Variants in BMAL2 observed in about 807,000 individuals in gnomAD.
BMAL2 encodes the protein basic helix-loop-helix ARNT-like protein 2.
chr12:27,395,888 G>A, the BMAL2 span, among the ~76,000 whole-genome samples: 1 of 152,186 alleles, frequency 6.6e-6, no homozygotes, highest in Admixed American at 6.5e-5. Flanking sequence ...AGAGTAGAAA[G>A]GGCCTGGGCT....
the BMAL2 span, among the ~76,000 whole-genome samples, chr12:27,404,992 C>T: frequency 1.3e-4 from 20 of 152,284 alleles, no homozygotes; most frequent in African/African-American, 4.3e-4. Flanking sequence ...CACGGAGCCT[C>T]GCTCATTGCT....
At chr12:27,406,496 G>A in the BMAL2 span, among the ~76,000 whole-genome samples, 2 of 152,244 alleles carry the variant, frequency 1.3e-5, no homozygotes, top group African/African-American at 4.8e-5. Flanking sequence ...CCAAACTTAA[G>A]CTTCATAAGT....
chr12:27,374,641 A>G, the BMAL2 span, among the ~76,000 whole-genome samples: 1 of 152,198 alleles, frequency 6.6e-6, no homozygotes. Context: ...ACTTAATCTG[A>G]CCCTCTCTTT....
the BMAL2 span, chr12:27,385,709 G>A: frequency 5.2e-6 from 3 of 574,104 alleles, no homozygotes; most frequent in Non-Finnish European, 9.2e-6. Flanking sequence ...TTAAAATAGA[G>A]AAGTAGCCAT....
At chr12:27,403,403 A>C in the BMAL2 span, 4 of 1,331,042 alleles carry the variant, frequency 3.0e-6, no homozygotes, top group East Asian at 9.3e-5. Flanking sequence ...TAAAGTCCTC[A>C]ACTGAATTTC....
At chr12:27,385,039 C>A in the BMAL2 span, among the ~76,000 whole-genome samples, 10 of 152,214 alleles carry the variant, frequency 6.6e-5, no homozygotes, top group Non-Finnish European at 1.3e-4. Context: ...ATTAGCTGGG[C>A]GTAGTGGCTC....
At chr12:27,391,307 C>T in the BMAL2 span, among the ~76,000 whole-genome samples, 344 of 152,262 alleles carry the variant, frequency 2.3e-3, 2 homozygotes, top group Non-Finnish European at 3.7e-3. Context: ...GTTTTCTGTT[C>T]TTGCATCAAT....
chr12:27,351,721 T>G, the BMAL2 span, among the ~76,000 whole-genome samples: 1 of 152,196 alleles, frequency 6.6e-6, no homozygotes, highest in Admixed American at 6.5e-5. Context: ...ATCAAGACTC[T>G]TGCCCTCAGT....
chr12:27,406,115 G>T, the BMAL2 span, among the ~76,000 whole-genome samples: 2 of 152,234 alleles, frequency 1.3e-5, no homozygotes, highest in Non-Finnish European at 2.9e-5. Flanking sequence ...ATCTACGTCT[G>T]ATTGGTGTAC....
the BMAL2 span, among the ~76,000 whole-genome samples, chr12:27,409,576 C>T: frequency 6.6e-6 from 1 of 152,154 alleles, no homozygotes; most frequent in South Asian, 2.1e-4. Context: ...CTTCCTTACA[C>T]CTTATACAAA....
chr12:27,376,115 C>T, the BMAL2 span, among the ~76,000 whole-genome samples: 1 of 152,172 alleles, frequency 6.6e-6, no homozygotes. Flanking sequence ...GTTAACATAA[C>T]TTTTGTTATC....
the BMAL2 span, among the ~76,000 whole-genome samples, chr12:27,382,427 C>T: frequency 5.0e-4 from 76 of 152,106 alleles, no homozygotes; most frequent in Non-Finnish European, 1.0e-3. Context: ...AGGAAGAGAT[C>T]GTCAGAGTCT....
At chr12:27,342,021 C>G in the BMAL2 span, among the ~76,000 whole-genome samples, 3 of 151,846 alleles carry the variant, frequency 2.0e-5, no homozygotes, top group African/African-American at 7.3e-5. Context: ...ACTGCAACCT[C>G]CACCTCCTGG....
At chr12:27,393,819 A>G in the BMAL2 span, among the ~76,000 whole-genome samples, 3 of 152,212 alleles carry the variant, frequency 2.0e-5, no homozygotes, top group Admixed American at 6.5e-5. Context: ...AGATGGCCCT[A>G]ATATGCTAGA....
the BMAL2 span, among the ~76,000 whole-genome samples, chr12:27,376,653 A>G: frequency 6.6e-6 from 1 of 152,202 alleles, no homozygotes; most frequent in African/African-American, 2.4e-5. Context: ...CTAAAGAAAA[A>G]TTGATCAATG....
the BMAL2 span, chr12:27,370,221 G>A: frequency 1.2e-6 from 2 of 1,612,336 alleles, no homozygotes; most frequent in African/African-American, 2.7e-5. Context: ...TCAGCCTCCA[G>A]TGGCAGCAGG....
chr12:27,379,660 G>A, the BMAL2 span, among the ~76,000 whole-genome samples: 3 of 152,090 alleles, frequency 2.0e-5, no homozygotes, highest in Non-Finnish European at 4.4e-5. Context: ...GACAGTTTTA[G>A]TGGGGCAGGG....
the BMAL2 span, chr12:27,402,739 A>G: frequency 3.4e-6 from 5 of 1,451,222 alleles, no homozygotes; most frequent in Non-Finnish European, 3.8e-6. Flanking sequence ...GACTATTACT[A>G]TCTTTTTCTG....
the BMAL2 span, chr12:27,389,340 A>T: frequency 7.6e-7 from 1 of 1,309,952 alleles, no homozygotes; most frequent in Non-Finnish European, 1.1e-6. Flanking sequence ...TGTAAATGTA[A>T]TGATCACCTA....
Sources: allele counts gnomAD v4.1 joint callset (sites outside exome capture counted in the v4.1 genomes callset), GRCh38; gene constraint gnomAD v4.1.1; transcripts MANE v1.5; gene names NCBI Gene and HGNC (gene_info 2026-07-23, HGNC 2026-07-21).